The following ECT2L variants were observed in gnomAD, a reference collection of about 807,000 sequenced individuals.
ECT2L encodes the protein epithelial cell transforming 2 like.
ECT2L carries 126 observed loss-of-function variants against 122.8 expected under a neutral mutation model. The ratio of observed to expected loss-of-function variants is 1.03; its 90% CI spans 0.89 to 1.19. The LOEUF (loss-of-function observed/expected upper bound fraction) is 1.19. Ranked by LOEUF, ECT2L falls within the 50% of genes most tolerant of loss-of-function variation. The probability of loss-of-function intolerance (pLI) is 0.00; values close to 1 mark genes in which losing one functional copy is unlikely to be tolerated. For missense variants in ECT2L, 1,012 were observed against 1,064.1 expected (o/e 0.95, Z 0.68); for synonymous variants, 385 against 381.8 (o/e 1.01, Z -0.10).
At chr6:138,868,034 T>C (rs1778113508) in intron 12 of ECT2L, 69 bp from the exon 13 acceptor site, 3 of 866,294 alleles carry the variant, frequency 3.5e-6, no homozygotes, top group East Asian at 5.5e-5. Flanking sequence ...CTGTGAGGAC[T>C]GAGTTGTTGT....
chr6:138,834,663 C>T (rs1776760964), intron 4 of ECT2L, among the ~76,000 whole-genome samples: 1 of 152,086 alleles, frequency 6.6e-6, no homozygotes, highest in Non-Finnish European at 1.5e-5. Flanking sequence ...ATCTCAAAGG[C>T]TAGCAAAATG....
intron 8 of ECT2L, 68 bp from the exon 9 acceptor site, chr6:138,849,200 AT>A: frequency 7.2e-7 from 1 of 1,391,788 alleles, no homozygotes; most frequent in Non-Finnish European, 9.5e-7. Flanking sequence ...TATCCGTTCT[AT>A]TTCTTTCATT....
intron 4 of ECT2L, among the ~76,000 whole-genome samples, chr6:138,830,274 A>ACAGGGGTGGACAAGCTTT (rs1583566394): frequency 1.3e-5 from 2 of 152,158 alleles, no homozygotes; most frequent in East Asian, 3.8e-4. Flanking sequence ...TCTCTGCACA[A>ACAGGGGTGGACAAGCTTT]CAGGGGTGGA....
At chr6:138,878,468 A>G (rs1327113035) in intron 14 of ECT2L, among the ~76,000 whole-genome samples, 1 of 152,106 alleles carries the variant, frequency 6.6e-6, no homozygotes, top group African/African-American at 2.4e-5. Context: ...GTTTTTTGAG[A>G]TGGAGTCTCG....
chr6:138,796,963 G>C (rs964786813), intron 1 of ECT2L, among the ~76,000 whole-genome samples: 10 of 152,122 alleles, frequency 6.6e-5, no homozygotes, highest in African/African-American at 2.2e-4. Context: ...TTAAGGACTT[G>C]GAAGTTTTAT....
intron 1 of ECT2L, among the ~76,000 whole-genome samples, chr6:138,806,765 G>A (rs9403002): frequency 0.24 from 36,247 of 151,448 alleles, 4,556 homozygotes; most frequent in East Asian, 0.41. Flanking sequence ...CACCCACCTC[G>A]GCCTCCCAAA....
In ECT2L at chr6:138,843,219, G is replaced by A. The variant is rs1487903729; in HGVS notation, c.583G>A (p.Ala195Thr). 3.2e-5 allele frequency: 51 copies of A among 1,607,594 alleles called. No homozygotes were observed. The highest frequency in any genetic ancestry group is 4.2e-5 in the Non-Finnish European group (49 of 1,176,742). The change falls in exon 6 of 22, where the codon GCA becomes ACA. Residue 195 changes from alanine to threonine, a missense_variant. By Grantham distance (58) the Ala-to-Thr change is moderately conservative (BLOSUM62 0). Transcript: ENST00000541398. Reference sequence around the variant, plus strand: ...GAGGAAAAGAATTTGGGAGAAAATTGCACTACGTAAGAGTAAGTAGCATTT... The same window carrying A: ...GAGGAAAAGAATTTGGGAGAAAATTACACTACGTAAGAGTAAGTAGCATTT... ...CLRKRIWEKIALRKKELFKVR... is the reference protein window; with the variant it reads ...CLRKRIWEKITLRKKELFKVR...
chr6:138,895,484 A>AG (rs1393585048), intron 20 of ECT2L, among the ~76,000 whole-genome samples: 2 of 152,202 alleles, frequency 1.3e-5, no homozygotes, highest in African/African-American at 4.8e-5. Context: ...TGCCGTTTCC[A>AG]GTGATTGGAC....
intron 4 of ECT2L, chr6:138,822,838 G>A (rs1776313742): frequency 1.2e-6 from 2 of 1,613,886 alleles, no homozygotes; most frequent in Admixed American, 1.7e-5. Context: ...GAATTGATCT[G>A]TATCAAAGAA....
intron 1 of ECT2L, among the ~76,000 whole-genome samples, chr6:138,800,973 C>T (rs1285874925): frequency 6.6e-6 from 1 of 152,158 alleles, no homozygotes; most frequent in East Asian, 1.9e-4. Context: ...TCTGCCCTCA[C>T]ATGGCAGAAG....
intron 18 of ECT2L, among the ~76,000 whole-genome samples, chr6:138,886,476 C>T (rs1778824850): frequency 1.3e-5 from 2 of 150,826 alleles, no homozygotes; most frequent in African/African-American, 2.4e-5. Flanking sequence ...GGTGTGATCT[C>T]GGCTCACTGC....
At chr6:138,853,890 C>A in intron 9 of ECT2L, 136 bp from the exon 10 acceptor site, 2 of 922,922 alleles carry the variant, frequency 2.2e-6, no homozygotes, top group Non-Finnish European at 3.3e-6. Flanking sequence ...CGGGAGGAAG[C>A]AGAGATGCCT....
At chr6:138,868,786 G>A (rs566917639) in intron 13 of ECT2L, among the ~76,000 whole-genome samples, 13 of 152,276 alleles carry the variant, frequency 8.5e-5, no homozygotes, top group Non-Finnish European at 1.8e-4. Context: ...CAGTGAGAAG[G>A]AGCCAGTCCA....
intron 9 of ECT2L, 83 bp downstream of exon 9, chr6:138,849,517 C>A: frequency 7.2e-7 from 1 of 1,382,256 alleles, no homozygotes; most frequent in Non-Finnish European, 9.6e-7. Flanking sequence ...GGAGGACTAT[C>A]TCAGTTCCAA....
rs143244291 is a variant in ECT2L, at chr6:138,891,093, TCTC to T, written c.2414+2067_2414+2069del. Among the ~76,000 whole-genome samples the T allele has an allele frequency of 4.5e-3, 691 of 152,166 alleles. 6 individuals are homozygous for T. Among genetic ancestry groups the T allele is most frequent in the African/African-American group, 0.016 (648 of 41,496 alleles). ...GGGGATTGGATATGCCTCATTATAC[TCTC>T]CTCCCTTAAGAATTCAGGCACAACT... is the stretch of plus-strand genomic sequence containing the variant. On this transcript the variant is annotated intron_variant, in intron 20 of 21. Coordinates refer to ENST00000541398, the MANE Select transcript of ECT2L (RefSeq NM_001077706.3).
intron 20 of ECT2L, among the ~76,000 whole-genome samples, chr6:138,890,310 A>C (rs1423560207): frequency 2.0e-5 from 3 of 152,136 alleles, no homozygotes; most frequent in African/African-American, 7.2e-5. Flanking sequence ...AATGTAATAA[A>C]AATTGATTTG....
chr6:138,871,830 A>AAAC (rs887315050), intron 13 of ECT2L, among the ~76,000 whole-genome samples: 1 of 151,856 alleles, frequency 6.6e-6, no homozygotes, highest in South Asian at 2.1e-4. Flanking sequence ...AAAAAAAACA[A>AAAC]AACAACAACA....
intron 1 of ECT2L, among the ~76,000 whole-genome samples, chr6:138,811,134 C>T (rs1426093554): frequency 6.6e-6 from 1 of 152,198 alleles, no homozygotes; most frequent in East Asian, 1.9e-4. Flanking sequence ...GAGACTGTGG[C>T]TTCCCTCTGG....
intron 14 of ECT2L, 139 bp from the exon 15 acceptor site, chr6:138,880,818 G>A (rs765800876): frequency 7.1e-5 from 47 of 664,934 alleles, no homozygotes; most frequent in South Asian, 9.2e-5. Flanking sequence ...GATGGACAGC[G>A]GGGTCCTCCG....
Sources: allele counts gnomAD v4.1 joint callset (sites outside exome capture counted in the v4.1 genomes callset), GRCh38; gene constraint gnomAD v4.1.1; transcripts MANE v1.5; gene names NCBI Gene and HGNC (gene_info 2026-07-23, HGNC 2026-07-21).